Variants in LMX1A observed in about 807,000 individuals in gnomAD.
LMX1A encodes LIM homeobox transcription factor 1-alpha.
In LMX1A, 15 loss-of-function variants were observed where a neutral mutation model predicts 49.1. That is an observed-to-expected ratio of 0.31 (90% CI 0.20 to 0.47). LMX1A has a LOEUF of 0.47. Ranked by LOEUF, LMX1A falls within the 20% of genes least tolerant of loss-of-function variation. The pLI is 1.00. For missense variants in LMX1A, 372 were observed against 475.8 expected (o/e 0.78, Z 2.03); for synonymous variants, 167 against 185.7 (o/e 0.90, Z 0.82).
intron 3 of LMX1A, among the ~76,000 whole-genome samples, chr1:165,324,524 G>A (rs1447772326): frequency 1.3e-5 from 2 of 152,122 alleles, no homozygotes; most frequent in Non-Finnish European, 2.9e-5. Context: ...TGACAGACCA[G>A]CTCTTTATCA....
intron 3 of LMX1A, among the ~76,000 whole-genome samples, chr1:165,326,550 T>C (rs999952829): frequency 1.3e-5 from 2 of 152,228 alleles, no homozygotes; most frequent in Admixed American, 6.5e-5. Flanking sequence ...CAACTTCTCA[T>C]TTTATTCATG....
chr1:165,210,630 C>A, intron 6 of LMX1A, 69 bp downstream of exon 6: 1 of 1,167,170 alleles, frequency 8.6e-7, no homozygotes, highest in Admixed American at 1.9e-5. Context: ...GCAGCAAGTA[C>A]AATGTCCTAC....
At chr1:165,266,713 T>C (rs1653633745) in intron 3 of LMX1A, among the ~76,000 whole-genome samples, 1 of 144,556 alleles carries the variant, frequency 6.9e-6, no homozygotes, top group Admixed American at 7.2e-5. Context: ...GCCATTCTCC[T>C]GCCTCAGCCT....
At chr1:165,294,044 T>C (rs1654549582) in intron 3 of LMX1A, among the ~76,000 whole-genome samples, 1 of 152,236 alleles carries the variant, frequency 6.6e-6, no homozygotes, top group African/African-American at 2.4e-5. Context: ...GTCCATGTTC[T>C]ACAAATGAGG....
intron 3 of LMX1A, among the ~76,000 whole-genome samples, chr1:165,263,439 T>A (rs569254668): frequency 8.7e-4 from 132 of 152,350 alleles, no homozygotes; most frequent in African/African-American, 3.0e-3. Flanking sequence ...ATGGACTCAC[T>A]TTTGACTTCT....
rs534167307 is a variant in LMX1A, at chr1:165,324,338, G to A, written c.263+28738C>T. Among the ~76,000 whole-genome samples the A allele has an allele frequency of 6.6e-5, 10 of 152,234 alleles. 1 individual carries two copies. The South Asian group carries it at 1.9e-3, about 28-fold the overall frequency. ...CAAGTGCAGCTCTACCCTGATGAGG[G>A]GCTCAGTCCTCAGCTTGCTACTCTA... On this transcript the variant is annotated intron_variant, in intron 3 of 8. Coordinates refer to ENST00000342310, the MANE Select transcript of LMX1A (RefSeq NM_177398.4).
intron 4 of LMX1A, among the ~76,000 whole-genome samples, chr1:165,228,477 T>C (rs1167683168): frequency 6.6e-6 from 1 of 152,198 alleles, no homozygotes; most frequent in African/African-American, 2.4e-5. Context: ...AAGTCAACAG[T>C]TGTGTCTTCT....
At chr1:165,254,398 G>C (rs1653160621) in intron 3 of LMX1A, among the ~76,000 whole-genome samples, 1 of 152,162 alleles carries the variant, frequency 6.6e-6, no homozygotes, top group Non-Finnish European at 1.5e-5. Context: ...AGACCAGGAA[G>C]AGTGGGGCAG....
intron 3 of LMX1A, among the ~76,000 whole-genome samples, chr1:165,275,843 G>A (rs12120606): frequency 0.024 from 2,195 of 90,938 alleles, 40 homozygotes; most frequent in African/African-American, 0.066. Context: ...TGGGGTGTGT[G>A]TGTATGTGTG....
chr1:165,208,893 C>T (rs1030584219), intron 6 of LMX1A, among the ~76,000 whole-genome samples: 1 of 152,130 alleles, frequency 6.6e-6, no homozygotes, highest in Admixed American at 6.5e-5. Context: ...GTGATCCACC[C>T]GCCTCGGCCT....
chr1:165,208,009 G>C (rs1418476223), intron 7 of LMX1A, 54 bp downstream of exon 7: 3 of 1,530,852 alleles, frequency 2.0e-6, no homozygotes, highest in Non-Finnish European at 2.7e-6. Flanking sequence ...GAGGCCTCTG[G>C]TAGGAACAGC....
chr1:165,231,084 T>A (rs533040309), intron 4 of LMX1A, among the ~76,000 whole-genome samples: 12 of 148,134 alleles, frequency 8.1e-5, no homozygotes, highest in Admixed American at 4.8e-4. Context: ...TTAGGTTTTT[T>A]AAAATTTTTA....
intron 4 of LMX1A, among the ~76,000 whole-genome samples, chr1:165,242,968 A>G (rs1479834870): frequency 6.6e-6 from 1 of 151,402 alleles, no homozygotes; most frequent in Non-Finnish European, 1.5e-5. Flanking sequence ...ACATAAAACA[A>G]CTAATTGCAG....
At chr1:165,321,567 G>A (rs1178445141) in intron 3 of LMX1A, among the ~76,000 whole-genome samples, 3 of 151,994 alleles carry the variant, frequency 2.0e-5, no homozygotes, top group East Asian at 1.9e-4. Context: ...TAATTTCTAC[G>A]GTCAAGAACC....
At chr1:165,287,296 C>A (rs1422563845) in intron 3 of LMX1A, among the ~76,000 whole-genome samples, 1 of 152,068 alleles carries the variant, frequency 6.6e-6, no homozygotes, top group South Asian at 2.1e-4. Flanking sequence ...GTGAGATAGT[C>A]CATTTCTCTA....
Position 165,280,214 on chromosome 1 carries a change from A to G in LMX1A, c.264-30574T>C, listed in dbSNP as rs1021153827. 2.0e-5 allele frequency among the ~76,000 whole-genome samples: 3 copies of G among 152,284 alleles called. No individual in the cohort carries two copies. The East Asian group carries it at 5.8e-4, about 29-fold the overall frequency. On this transcript the variant is annotated intron_variant, in intron 3 of 8. Transcript: ENST00000342310. Reference sequence around the variant, plus strand: ...CTTTGCAGCCAGGGTCCCCATCCTAAGCTTCCCGTTTTTCCGTGCTGCTCC... The same window carrying G: ...CTTTGCAGCCAGGGTCCCCATCCTAGGCTTCCCGTTTTTCCGTGCTGCTCC...
At chr1:165,300,573 C>G (rs1384285649) in intron 3 of LMX1A, among the ~76,000 whole-genome samples, 1 of 152,160 alleles carries the variant, frequency 6.6e-6, no homozygotes, top group Non-Finnish European at 1.5e-5. Context: ...CAGGAAGGAC[C>G]AATGGTCAAG....
chr1:165,260,967 A>C (rs1653415260), intron 3 of LMX1A, among the ~76,000 whole-genome samples: 1 of 152,200 alleles, frequency 6.6e-6, no homozygotes, highest in Non-Finnish European at 1.5e-5. Flanking sequence ...ATAATTGAGA[A>C]GGGGGTCAAA....
chr1:165,342,414 C>G (rs1164925813), intron 3 of LMX1A, among the ~76,000 whole-genome samples: 1 of 152,176 alleles, frequency 6.6e-6, no homozygotes, highest in Non-Finnish European at 1.5e-5. Context: ...TGCAGACAAG[C>G]TCCCAGGACA....
Sources: gnomAD v4.1 joint callset for allele counts (sites outside exome capture counted in the v4.1 genomes callset) on GRCh38, gnomAD v4.1.1 for gene constraint, MANE v1.5 for transcripts, NCBI Gene and HGNC (gene_info 2026-07-23, HGNC 2026-07-21) for gene names.